Variants in CYP7B1 observed in about 807,000 individuals in gnomAD.
The protein encoded by CYP7B1 is cytochrome P450 family 7 subfamily B member 1.
Under a neutral mutation model 42.7 loss-of-function variants are expected in CYP7B1, and 29 were observed. The observed-to-expected ratio is 0.68, with a 90% CI of 0.51 to 0.93. CYP7B1 has a LOEUF of 0.93. Among genes scored for constraint, CYP7B1 ranks in the 40% least tolerant of loss-of-function variants. CYP7B1 has a pLI of 0.00. For synonymous variants in CYP7B1, 235 were observed against 218.2 expected (o/e 1.08, Z -0.68); for missense variants, 655 against 600.5 (o/e 1.09, Z -0.95).
chr8:64,610,281 A>G (rs938032532), intron 4 of CYP7B1, among the ~76,000 whole-genome samples: 7 of 152,104 alleles, frequency 4.6e-5, no homozygotes, highest in Non-Finnish European at 1.0e-4. Context: ...GTTTCCTTAT[A>G]TTAGATATAA....
At position 64,777,215 on chromosome 8, in the gene CYP7B1, A is replaced by G. The variant is rs559359987; in HGVS notation, c.122+21251T>C. Among the ~76,000 whole-genome samples the G allele has an allele frequency of 7.2e-5, 11 of 151,922 alleles. No homozygotes were observed. The South Asian group carries it at 2.3e-3, about 32-fold the overall frequency. On this transcript the variant is annotated intron_variant, in intron 1 of 5. Transcript: ENST00000310193. The stretch of plus-strand genomic sequence containing the variant: ...AAAAAAATTAGAGGTGATTAAATAC[A>G]AAAGGTGAGTAAGCATAATTAGCAA...
rs114418000 is a variant in CYP7B1, at chr8:64,737,470, G to T, written c.122+60996C>A. ...GCTCAAATCCAGTACTCTCAGCTTG[G>T]CATTAAAATCTGTAAAGCATAATCC... On this transcript the variant is annotated intron_variant, in intron 1 of 5. Transcript: ENST00000310193. Among the ~76,000 whole-genome samples the T allele has an allele frequency of 2.7e-3, 405 of 152,240 alleles. 4 individuals are homozygous for T. The highest frequency in any genetic ancestry group is 9.0e-3 in the African/African-American group (375 of 41,544).
intron 1 of CYP7B1, among the ~76,000 whole-genome samples, chr8:64,694,515 G>C (rs955977788): frequency 6.6e-6 from 1 of 152,112 alleles, no homozygotes; most frequent in African/African-American, 2.4e-5. Flanking sequence ...TATGAGGCCA[G>C]TGCAAGTCAG....
At chr8:64,674,239 C>T (rs1475266394) in intron 1 of CYP7B1, among the ~76,000 whole-genome samples, 2 of 152,126 alleles carry the variant, frequency 1.3e-5, no homozygotes, top group African/African-American at 4.8e-5. Context: ...ATCTATAATG[C>T]ACACAGAGAC....
At chr8:64,654,121 T>C (rs1806084927) in intron 1 of CYP7B1, among the ~76,000 whole-genome samples, 1 of 152,120 alleles carries the variant, frequency 6.6e-6, no homozygotes. Flanking sequence ...AAGACAAGGA[T>C]GCCCTCTCTC....
At chr8:64,672,774 A>G (rs1030922431) in intron 1 of CYP7B1, among the ~76,000 whole-genome samples, 1 of 152,096 alleles carries the variant, frequency 6.6e-6, no homozygotes, top group African/African-American at 2.4e-5. Flanking sequence ...CTTGGCCCAG[A>G]TAAGCTGACT....
intron 4 of CYP7B1, among the ~76,000 whole-genome samples, chr8:64,605,613 T>A (rs528271018): frequency 6.6e-6 from 1 of 152,336 alleles, no homozygotes; most frequent in African/African-American, 2.4e-5. Context: ...GGGAATAATA[T>A]GCATAATTTG....
At chr8:64,641,859 C>T (rs1805861045) in intron 1 of CYP7B1, among the ~76,000 whole-genome samples, 1 of 152,124 alleles carries the variant, frequency 6.6e-6, no homozygotes, top group African/African-American at 2.4e-5. Flanking sequence ...AAAAACATCA[C>T]ACACAGAATA....
intron 1 of CYP7B1, among the ~76,000 whole-genome samples, chr8:64,659,100 A>G (rs879730825): frequency 3.3e-5 from 5 of 152,222 alleles, no homozygotes; most frequent in Non-Finnish European, 7.3e-5. Flanking sequence ...TATAGCAGCT[A>G]GTTTGCTTTT....
At chr8:64,629,759 G>T (rs984028018) in intron 1 of CYP7B1, among the ~76,000 whole-genome samples, 38 of 152,246 alleles carry the variant, frequency 2.5e-4, no homozygotes, top group African/African-American at 8.9e-4. Flanking sequence ...ACACTTCTTG[G>T]GCTCTGATGT....
chr8:64,627,646 G>A (rs1022648064), intron 1 of CYP7B1, among the ~76,000 whole-genome samples: 1 of 152,156 alleles, frequency 6.6e-6, no homozygotes, highest in Admixed American at 6.5e-5. Flanking sequence ...AAATCCAGGG[G>A]ATATTAACTT....
intron 1 of CYP7B1, among the ~76,000 whole-genome samples, chr8:64,696,182 G>A (rs528629392): frequency 6.6e-6 from 1 of 152,090 alleles, no homozygotes; most frequent in Non-Finnish European, 1.5e-5. Flanking sequence ...GCAGGTATGA[G>A]GTTATCATAC....
rs562649189 is a variant in CYP7B1, at chr8:64,731,805, G to A, written c.122+66661C>T. 7.2e-5 allele frequency among the ~76,000 whole-genome samples: 11 copies of A among 152,342 alleles called. No individual in the cohort carries two copies. The East Asian group carries it at 2.1e-3, about 29-fold the overall frequency. On this transcript the variant is annotated intron_variant, in intron 1 of 5. Transcript: ENST00000310193. ...TGACATGGTGTCCGGTGTCCCAGAT[G>A]CTTCAGCTCCAGCTGCTAAAAGGAG...
At chr8:64,605,375 A>G (rs1170394413) in intron 4 of CYP7B1, among the ~76,000 whole-genome samples, 5 of 152,232 alleles carry the variant, frequency 3.3e-5, no homozygotes, top group African/African-American at 1.2e-4. Flanking sequence ...AATGTGAGTC[A>G]ACATTTGCTG....
chr8:64,604,953 T>C (rs1322849062), intron 4 of CYP7B1, 96 bp from the exon 5 acceptor site: 2 of 1,345,332 alleles, frequency 1.5e-6, no homozygotes, highest in East Asian at 5.0e-5. Flanking sequence ...TAGCCTTGAT[T>C]GAAAAGGAAA....
In CYP7B1 at chr8:64,594,557, A is replaced by G. The variant is rs936811940; in HGVS notation, c.*2085T>C. ...GGGTATGAAAGTGGGTATTAGGGAC[A>G]AAACAGAATAAGTAAATAAAGCCAG... On this transcript the variant is annotated 3_prime_UTR_variant, in exon 6 of 6. Coordinates refer to ENST00000310193, the MANE Select transcript of CYP7B1 (RefSeq NM_004820.5). Among the ~76,000 whole-genome samples the G allele has an allele frequency of 1.3e-5, 2 of 152,216 alleles. No individual in the cohort carries two copies. The highest frequency in any genetic ancestry group is 2.9e-5 in the Non-Finnish European group (2 of 68,038).
downstream of CYP7B1, among the ~76,000 whole-genome samples, chr8:64,587,078 G>C (rs1054352496): frequency 6.6e-6 from 1 of 152,204 alleles, no homozygotes; most frequent in African/African-American, 2.4e-5. Context: ...CAGTAAACAG[G>C]GCTGGGTAGG....
chr8:64,648,507 C>G (rs181756905), intron 1 of CYP7B1, among the ~76,000 whole-genome samples: 5 of 152,358 alleles, frequency 3.3e-5, no homozygotes, highest in Admixed American at 2.6e-4. Flanking sequence ...CACATCCTTT[C>G]TCAACACATG....
At chr8:64,766,633 G>A (rs1329743433) in intron 1 of CYP7B1, among the ~76,000 whole-genome samples, 2 of 152,036 alleles carry the variant, frequency 1.3e-5, no homozygotes, top group African/African-American at 2.4e-5. Context: ...CTTCCAGTGC[G>A]GTCTACAAGG....
Sources: gnomAD v4.1 joint callset for allele counts (sites outside exome capture counted in the v4.1 genomes callset) on GRCh38, gnomAD v4.1.1 for gene constraint, MANE v1.5 for transcripts, NCBI Gene and HGNC (gene_info 2026-07-23, HGNC 2026-07-21) for gene names.